ADCY2: variants seen among roughly 807,000 people sequenced by gnomAD.
The protein encoded by ADCY2 is adenylate cyclase 2.
Under a neutral mutation model 125.2 loss-of-function variants are expected in ADCY2, and 31 were observed. That is an observed-to-expected ratio of 0.25 (90% CI 0.19 to 0.33). ADCY2 has a LOEUF of 0.33. ADCY2 is among the 10% of genes least tolerant of loss of function. ADCY2 has a pLI of 1.00. For missense variants in ADCY2, 904 were observed against 1,418.2 expected (o/e 0.64, Z 5.82); for synonymous variants, 512 against 548.4 (o/e 0.93, Z 0.93).
Position 7,673,255 on chromosome 5 carries a change from A to T in ADCY2, c.721-17436A>T, listed in dbSNP as rs1739994731. ...TTGTCTCTCCAAAAAAAAAAAAAAAAAAAAAAAAAAAAAAATATATATATA... is the reference window on the plus strand; with the variant it reads ...TTGTCTCTCCAAAAAAAAAAAAAAATAAAAAAAAAAAAAAATATATATATA... On this transcript the variant is annotated intron_variant, in intron 4 of 24. Transcript: ENST00000338316. Among the ~76,000 whole-genome samples, 5 of 14,670 alleles carry T rather than the reference A, an allele frequency of 3.4e-4. 1 individual carries two copies. The highest frequency in any genetic ancestry group is 4.4e-3 in the South Asian group (2 of 454). 9.6% of individuals were successfully genotyped at this position (14,670 alleles called of 152,430 possible). A position where few individuals can be genotyped will look rare whatever the true frequency, so the allele number is the denominator to read the frequency against.
chr5:7,622,047 A>G (rs1444156252), intron 3 of ADCY2, among the ~76,000 whole-genome samples: 1 of 152,230 alleles, frequency 6.6e-6, no homozygotes, highest in Non-Finnish European at 1.5e-5. Context: ...CAGATGTGAA[A>G]GTAGCTAAAT....
chr5:7,425,089 A>T lies in ADCY2; in HGVS notation c.408+10319A>T, dbSNP rs540882263. On this transcript the variant is annotated intron_variant, in intron 2 of 24. Coordinates refer to ENST00000338316, the MANE Select transcript of ADCY2 (RefSeq NM_020546.3). ...CCTTGAAGCCTGCCCAGTGCTGCTC[A>T]CTGTCTCGAGAGCCCCAGACCTATG... Among the ~76,000 whole-genome samples, 25 of 152,224 alleles carry T rather than the reference A, an allele frequency of 1.6e-4. No homozygotes were observed. In the East Asian group the frequency reaches 4.8e-3, roughly 29 times the overall value.
chr5:7,745,412 G>T (rs1343806030), intron 15 of ADCY2, among the ~76,000 whole-genome samples: 2 of 152,162 alleles, frequency 1.3e-5, no homozygotes, highest in Non-Finnish European at 2.9e-5. Flanking sequence ...TGGGACTGTG[G>T]CTTCTGCTTT....
intron 2 of ADCY2, among the ~76,000 whole-genome samples, chr5:7,453,263 A>C (rs534108162): frequency 6.5e-4 from 99 of 152,104 alleles, no homozygotes; most frequent in African/African-American, 2.4e-3. Flanking sequence ...ATCCTTCTTA[A>C]GTTTCTTTTT....
At chr5:7,586,923 T>A (rs947954923) in intron 3 of ADCY2, among the ~76,000 whole-genome samples, 3 of 152,224 alleles carry the variant, frequency 2.0e-5, no homozygotes, top group Non-Finnish European at 4.4e-5. Context: ...CAGTATCATC[T>A]AATTTATCTA....
At chr5:7,429,030 GAGAGA>G (rs1740493736) in intron 2 of ADCY2, among the ~76,000 whole-genome samples, 4 of 152,054 alleles carry the variant, frequency 2.6e-5, no homozygotes, top group African/African-American at 9.7e-5. Context: ...GAGAGAGAGA[GAGAGA>G]GAGCTCTAGT....
At chr5:7,423,050 G>C (rs1740269572) in intron 2 of ADCY2, among the ~76,000 whole-genome samples, 1 of 152,192 alleles carries the variant, frequency 6.6e-6, no homozygotes, top group Non-Finnish European at 1.5e-5. Flanking sequence ...ATTTTTCAGT[G>C]TGGGCATTTG....
chr5:7,560,639 A>T (rs1735678706), intron 3 of ADCY2, among the ~76,000 whole-genome samples: 1 of 151,862 alleles, frequency 6.6e-6, no homozygotes, highest in African/African-American at 2.4e-5. Flanking sequence ...AGGTGTTCAC[A>T]TATGTTTCTT....
intron 3 of ADCY2, among the ~76,000 whole-genome samples, chr5:7,590,884 A>G (rs1736831316): frequency 6.6e-6 from 1 of 152,108 alleles, no homozygotes; most frequent in African/African-American, 2.4e-5. Flanking sequence ...CTTATTATTT[A>G]TTTCTGTAAT....
chr5:7,608,323 T>C (rs1442474569), intron 3 of ADCY2, among the ~76,000 whole-genome samples: 1 of 152,200 alleles, frequency 6.6e-6, no homozygotes, highest in Non-Finnish European at 1.5e-5. Flanking sequence ...GGCTCACACC[T>C]GTAATCCCAG....
rs1271302602 is a variant in ADCY2 at position 7,743,654 on chromosome 5, T to C, written c.1872-14T>C. 1 of 1,612,974 alleles carries C rather than the reference T, an allele frequency of 6.2e-7. No individual in the cohort carries two copies. Reference sequence around the variant, plus strand: ...GATCTCCACCCTGACTTGCTGCTTTTTGTTTCCCGGTAGAACGTCCGTCCT... The same window carrying C: ...GATCTCCACCCTGACTTGCTGCTTTCTGTTTCCCGGTAGAACGTCCGTCCT... On this transcript the variant is annotated splice_polypyrimidine_tract_variant and intron_variant, in intron 14 of 24. Coordinates refer to ENST00000338316, the MANE Select transcript of ADCY2 (RefSeq NM_020546.3).
chr5:7,447,838 A>G (rs1460259620), intron 2 of ADCY2, among the ~76,000 whole-genome samples: 2 of 152,170 alleles, frequency 1.3e-5, no homozygotes, highest in African/African-American at 4.8e-5. Flanking sequence ...GAAAATCCAG[A>G]AGAAAAGTGT....
chr5:7,773,380 C>T (rs779363966), intron 18 of ADCY2, among the ~76,000 whole-genome samples: 12 of 152,162 alleles, frequency 7.9e-5, no homozygotes, highest in Non-Finnish European at 1.3e-4. Context: ...CTAAGATTGT[C>T]GACCTCAGCA....
intron 4 of ADCY2, among the ~76,000 whole-genome samples, chr5:7,644,486 T>G (rs967760644): frequency 6.6e-6 from 1 of 152,182 alleles, no homozygotes; most frequent in Non-Finnish European, 1.5e-5. Context: ...ATATTTATGT[T>G]GGCCAGCTTT....
At chr5:7,588,219 AAATT>A (rs1736696560) in intron 3 of ADCY2, among the ~76,000 whole-genome samples, 1 of 152,202 alleles carries the variant, frequency 6.6e-6, no homozygotes, top group Non-Finnish European at 1.5e-5. Flanking sequence ...GTTTTGGAAA[AAATT>A]AATGAGAAAA....
At chr5:7,822,850 T>G (rs1745345312) in intron 24 of ADCY2, among the ~76,000 whole-genome samples, 1 of 152,180 alleles carries the variant, frequency 6.6e-6, no homozygotes, top group South Asian at 2.1e-4. Flanking sequence ...AATGGAAAAT[T>G]TATATGAAAG....
chr5:7,750,479 G>A (rs1742773873), intron 15 of ADCY2, among the ~76,000 whole-genome samples: 1 of 152,026 alleles, frequency 6.6e-6, no homozygotes. Context: ...GTTAAACAAT[G>A]TATTTGTTTA....
intron 2 of ADCY2, among the ~76,000 whole-genome samples, chr5:7,509,603 CAGA>C (rs1465754458): frequency 6.6e-6 from 1 of 152,162 alleles, no homozygotes; most frequent in East Asian, 1.9e-4. Flanking sequence ...ATAACATTTT[CAGA>C]AGAAGAATGA....
intron 1 of ADCY2, among the ~76,000 whole-genome samples, chr5:7,408,693 A>G (rs1437316546): frequency 6.6e-6 from 1 of 152,108 alleles, no homozygotes; most frequent in Non-Finnish European, 1.5e-5. Flanking sequence ...AAAAGTAAAA[A>G]AGCAAAAAAA....
Sources: allele counts gnomAD v4.1 joint callset (sites outside exome capture counted in the v4.1 genomes callset), GRCh38; gene constraint gnomAD v4.1.1; transcripts MANE v1.5; gene names NCBI Gene and HGNC (gene_info 2026-07-23, HGNC 2026-07-21).